TECPR1: variants seen among roughly 807,000 people sequenced by gnomAD.
The protein encoded by TECPR1 is tectonin beta-propeller repeat-containing protein 1.
A neutral mutation model predicts 162.4 loss-of-function variants in TECPR1; 122 were observed. The observed-to-expected ratio is 0.75, with a 90% confidence interval of 0.65 to 0.87. The LOEUF (loss-of-function observed/expected upper bound fraction) is 0.87. Ranked by LOEUF, TECPR1 falls within the 40% of genes least tolerant of loss-of-function variation. TECPR1 has a pLI of 0.00. For missense variants in TECPR1, 1,432 were observed against 1,618.2 expected, an observed-to-expected ratio of 0.88 and a Z score of 1.97; for synonymous variants, 642 against 670.6, an observed-to-expected ratio of 0.96 and a Z score of 0.66.
At chr7:98,246,267 T>G in intron 2 of TECPR1, 102 bp from the exon 3 acceptor site, 1 of 716,074 alleles carries the variant, frequency 1.4e-6, no homozygotes, top group East Asian at 2.9e-5. Flanking sequence ...TTATTCTTTT[T>G]CTCTTTTTTT....
In TECPR1 at chr7:98,243,517, C is replaced by T; in HGVS notation, c.607G>A (p.Glu203Lys). ...ACTGACAGGCGGCCCACAGGCTCCTCCGTGATCTCCCAGCCCCCTACAGAG... is the reference window on the plus strand; with the variant it reads ...ACTGACAGGCGGCCCACAGGCTCCTTCGTGATCTCCCAGCCCCCTACAGAG... ...DLSVGGWEIT[E>K]EPVGRLSVWA... is the part of the protein sequence containing the mutation. The change falls in exon 6 of 26, where the codon GAG (glutamate) becomes AAG (lysine). Residue 203 changes from glutamate (E) to lysine (K), a missense_variant. By Grantham distance (56) the Glu-to-Lys change is moderately conservative (BLOSUM62 1). Coordinates refer to ENST00000447648, the MANE Select transcript of TECPR1 (RefSeq NM_015395.3). The T allele has an allele frequency of 6.2e-7, 1 of 1,612,696 alleles. No individual in the cohort carries two copies. The highest frequency in any genetic ancestry group is 2.2e-5 in the East Asian group (1 of 44,866).
intron 3 of TECPR1, among the ~76,000 whole-genome samples, chr7:98,245,548 T>G (rs2116629061): frequency 6.6e-6 from 1 of 152,316 alleles, no homozygotes; most frequent in African/African-American, 2.4e-5. Flanking sequence ...TATGGCTCAC[T>G]ACAGCCTTGA....
chr7:98,229,782 CT>C (rs1798373941), intron 15 of TECPR1, among the ~76,000 whole-genome samples: 1 of 152,170 alleles, frequency 6.6e-6, no homozygotes, highest in East Asian at 1.9e-4. Flanking sequence ...TTGCTGTCCC[CT>C]CCTGCAGCCA....
Position 98,217,779 on chromosome 7 carries a change from G to T in TECPR1, c.3297C>A (p.Ser1099Arg). Residue 1099 changes from serine to arginine, a missense_variant, in exon 25 of 26, where the codon AGC becomes AGA. Ser to Arg is a moderately radical substitution (Grantham distance 110, BLOSUM62 -1). Coordinates refer to ENST00000447648, the MANE Select transcript of TECPR1 (RefSeq NM_015395.3). Reference protein sequence around the residue: ...VWVIANKVQGSHSLSRGTVCH... With the variant: ...VWVIANKVQGRHSLSRGTVCH... ...ACACTGTCCCCCGGCTCAGGCTGTG[G>T]CTGCCCTGCACTTTGTTGGCGATCA... 2.6e-6 allele frequency: 4 copies of T among 1,550,992 alleles called. No individual in the cohort carries two copies. Among genetic ancestry groups the T allele is most frequent in the Non-Finnish European group, 3.5e-6 (4 of 1,147,150 alleles).
In TECPR1 at chr7:98,232,890, C is replaced by G; in HGVS notation, c.1755G>C (p.Gln585His). The stretch of plus-strand genomic sequence containing the variant: ...GCTCCCGCTTGGTCCTTTCCGTGAG[C>G]TGCTGGAAGATCTGCTTCCTCCAGG... ...TAAWRKQIFQ[Q>H]LTERTKRELE... Residue 585 changes from glutamine to histidine, a missense_variant, in exon 12 of 26, where the codon CAG (glutamine) becomes CAC (histidine). Transcript: ENST00000447648. The surrounding 1 kb of genome is among the most constrained non-coding windows in gnomAD (Gnocchi z 4.6). 6.2e-7 allele frequency: 1 copy of G among 1,612,994 alleles called. No homozygotes were observed. Among genetic ancestry groups the G allele is most frequent in the South Asian group, 1.1e-5 (1 of 91,068 alleles).
At chr7:98,218,868 T>C (rs78869953) in intron 23 of TECPR1, among the ~76,000 whole-genome samples, 4,598 of 152,228 alleles carry the variant, frequency 0.03, 150 homozygotes, top group African/African-American at 0.073. Context: ...CATCATTTTT[T>C]ACAGAATTAG....
chr7:98,242,003 T>TC (rs1430186569), intron 6 of TECPR1, among the ~76,000 whole-genome samples: 7 of 152,150 alleles, frequency 4.6e-5, no homozygotes. Flanking sequence ...GCCCCTGTTC[T>TC]CCCCTCTCTC....
intron 10 of TECPR1, among the ~76,000 whole-genome samples, chr7:98,236,214 G>C (rs1200781023): frequency 1.3e-5 from 2 of 152,172 alleles, no homozygotes; most frequent in Non-Finnish European, 2.9e-5. Context: ...CCCCAAAACT[G>C]CAGCAGCATC....
At chr7:98,247,617 A>T (rs181513445) in intron 2 of TECPR1, among the ~76,000 whole-genome samples, 1 of 152,264 alleles carries the variant, frequency 6.6e-6, no homozygotes, top group East Asian at 1.9e-4. Flanking sequence ...GACCATGTGA[A>T]TTCAGGGACG....
rs1195867020 is a variant in TECPR1, at chr7:98,217,694, C to T, written c.3382G>A (p.Gly1128Arg). ...PKGHGWDYGI[G>R]GGWDHISVRA... Reference sequence around the variant, plus strand: ...CCAAGGCCGCGGGCCCCGCTCACCCCGATGCCGTAGTCCCAGCCGTGGCCC... The same window carrying T: ...CCAAGGCCGCGGGCCCCGCTCACCCTGATGCCGTAGTCCCAGCCGTGGCCC... Residue 1128 changes from glycine to arginine, a missense_variant and splice_region_variant, in exon 25 of 26, where the codon GGG becomes AGG. By Grantham distance (125) the Gly-to-Arg change is moderately radical. Coordinates refer to ENST00000447648, the MANE Select transcript of TECPR1 (RefSeq NM_015395.3). 3.9e-6 allele frequency: 6 copies of T among 1,542,588 alleles called. No homozygotes were observed. Among genetic ancestry groups the T allele is most frequent in the East Asian group, 4.9e-5 (2 of 40,778 alleles).
rs919170440 is a variant in TECPR1, at chr7:98,217,033, C to T, written c.*357G>A. The T allele has an allele frequency of 4.5e-6, 1 of 221,164 alleles. No individual in the cohort carries two copies. The highest frequency in any genetic ancestry group is 9.0e-6 in the Non-Finnish European group (1 of 111,030). 13.7% of individuals were successfully genotyped at this position (221,164 alleles called of 1,614,324 possible). A position where few individuals can be genotyped will look rare whatever the true frequency, so the allele number is the denominator to read the frequency against. ...TCAGGAGGGCTCCATCCTGGCTCTG[C>T]TGCCCCAGGGCCGGCGTTCCCGGAG... On this transcript the variant is annotated 3_prime_UTR_variant, in exon 26 of 26. Coordinates refer to ENST00000447648, the MANE Select transcript of TECPR1 (RefSeq NM_015395.3).
chr7:98,224,853 C>A lies in TECPR1; in HGVS notation c.2638G>T (p.Val880Phe). The A allele has an allele frequency of 6.4e-7, 1 of 1,573,210 alleles. No individual in the cohort carries two copies. The highest frequency in any genetic ancestry group is 8.6e-7 in the Non-Finnish European group (1 of 1,159,850). Residue 880 changes from valine (V) to phenylalanine (F), a missense_variant, in exon 19 of 26, where the codon GTT becomes TTT. Transcript: ENST00000447648. ...CCCTCCTGGTCCGTGCCCCCCGGAACGCTGAAATCCACGAACCAGTCGGAA... is the reference window on the plus strand; with the variant it reads ...CCCTCCTGGTCCGTGCCCCCCGGAAAGCTGAAATCCACGAACCAGTCGGAA... ...WVSDWFVDFSVPGGTDQEGWQ... is the reference protein window; with the variant it reads ...WVSDWFVDFSFPGGTDQEGWQ...
chr7:98,220,826 G>T (rs1798122907), intron 23 of TECPR1, among the ~76,000 whole-genome samples: 1 of 149,672 alleles, frequency 6.7e-6, no homozygotes, highest in Non-Finnish European at 1.5e-5. Context: ...AAAGTGCTGG[G>T]ATTACAGGTG....
intron 23 of TECPR1, among the ~76,000 whole-genome samples, chr7:98,219,128 T>C (rs941083233): frequency 1.1e-4 from 17 of 152,028 alleles, no homozygotes; most frequent in African/African-American, 4.1e-4. Context: ...TACAAAAGCA[T>C]AAACTGGGGA....
At chr7:98,229,983 C>G (rs899605469) in intron 15 of TECPR1, among the ~76,000 whole-genome samples, 4 of 151,430 alleles carry the variant, frequency 2.6e-5, no homozygotes, top group African/African-American at 9.7e-5. Context: ...CCTCATTCCC[C>G]CTTTGTGGCT....
intron 8 of TECPR1, among the ~76,000 whole-genome samples, chr7:98,239,835 G>A (rs1278948337): frequency 6.6e-6 from 1 of 151,786 alleles, no homozygotes; most frequent in Non-Finnish European, 1.5e-5. Flanking sequence ...GACTGGCCAG[G>A]CACGGTGGCT....
At chr7:98,229,758 C>T (rs1004958013) in intron 15 of TECPR1, among the ~76,000 whole-genome samples, 2 of 152,144 alleles carry the variant, frequency 1.3e-5, no homozygotes, top group Non-Finnish European at 2.9e-5. Context: ...CGGTCTGAAT[C>T]CTCTGACAGG....
At chr7:98,237,579 C>T (rs1377686716) in intron 9 of TECPR1, among the ~76,000 whole-genome samples, 3 of 152,194 alleles carry the variant, frequency 2.0e-5, no homozygotes, top group Non-Finnish European at 4.4e-5. Context: ...ACCGATTCTC[C>T]TGCCTTAGCC....
chr7:98,231,019 C>T lies in TECPR1; in HGVS notation c.2224G>A (p.Val742Met), dbSNP rs780835738. Reference sequence around the variant, plus strand: ...TCCAGGTCTGGGCTGGGCTCGCTCACGAAGATGTCCCCCTTGCAGGTGATG... The same window carrying T: ...TCCAGGTCTGGGCTGGGCTCGCTCATGAAGATGTCCCCCTTGCAGGTGATG... ...WSITCKGDIF[V>M]SEPSPDLEAH... Residue 742 changes from valine (V) to methionine (M), a missense_variant, in exon 15 of 26, where the codon GTG (valine) becomes ATG (methionine). Physicochemically the swap from Val to Met is conservative, Grantham distance 21. Coordinates refer to ENST00000447648, the MANE Select transcript of TECPR1 (RefSeq NM_015395.3). 13 of 1,612,776 alleles carry T rather than the reference C, an allele frequency of 8.1e-6. No individual in the cohort carries two copies. The highest frequency in any genetic ancestry group is 6.7e-5 in the East Asian group (3 of 44,878).
Sources: allele counts gnomAD v4.1 joint callset (sites outside exome capture counted in the v4.1 genomes callset), GRCh38; gene constraint gnomAD v4.1.1; non-coding constraint Gnocchi (gnomAD v3.1); transcripts MANE v1.5; gene names NCBI Gene and HGNC (gene_info 2026-07-23, HGNC 2026-07-21).